CIMIP6: variants seen among roughly 807,000 people sequenced by gnomAD.
The protein encoded by CIMIP6 is ciliary microtubule inner protein 6, also known as uncharacterized protein C2orf73.
the CIMIP6 span, among the ~76,000 whole-genome samples, chr2:54,362,915 T>G: frequency 6.6e-6 from 1 of 152,206 alleles, no homozygotes; most frequent in African/African-American, 2.4e-5. Flanking sequence ...TCTACTAATT[T>G]GCTTTTCAGC....
At chr2:54,353,763 T>A in the CIMIP6 span, among the ~76,000 whole-genome samples, 1 of 152,194 alleles carries the variant, frequency 6.6e-6, no homozygotes, top group Middle Eastern at 3.2e-3. Context: ...TTACCACTGA[T>A]GTTCTGTCCC....
At chr2:54,371,974 G>A in the CIMIP6 span, among the ~76,000 whole-genome samples, 1 of 152,172 alleles carries the variant, frequency 6.6e-6, no homozygotes, top group Non-Finnish European at 1.5e-5. Flanking sequence ...AGATGTCCTA[G>A]GAAGGAATAA....
chr2:54,367,927 A>G, the CIMIP6 span, among the ~76,000 whole-genome samples: 2 of 152,190 alleles, frequency 1.3e-5, no homozygotes, highest in African/African-American at 4.8e-5. Context: ...AGAAAACATT[A>G]GTTTTAATCT....
At chr2:54,344,819 C>G in the CIMIP6 span, among the ~76,000 whole-genome samples, 2 of 152,016 alleles carry the variant, frequency 1.3e-5, no homozygotes, top group East Asian at 3.9e-4. Context: ...CATAAAACAA[C>G]AAAACAAAAG....
chr2:54,375,923 C>A, the CIMIP6 span, among the ~76,000 whole-genome samples: 1 of 150,858 alleles, frequency 6.6e-6, no homozygotes, highest in Non-Finnish European at 1.5e-5. Flanking sequence ...TGGAAGGTTA[C>A]TCACCATAAT....
At chr2:54,382,451 A>G in the CIMIP6 span, among the ~76,000 whole-genome samples, 1 of 152,218 alleles carries the variant, frequency 6.6e-6, no homozygotes, top group South Asian at 2.1e-4. Context: ...TGGTCCCAGC[A>G]TGCCTTTCCA....
the CIMIP6 span, among the ~76,000 whole-genome samples, chr2:54,365,571 C>T: frequency 3.9e-5 from 6 of 152,296 alleles, no homozygotes; most frequent in Non-Finnish European, 7.3e-5. Context: ...CTTGCTTCTG[C>T]TCTCACCATG....
chr2:54,343,606 C>T, the CIMIP6 span: 1 of 659,692 alleles, frequency 1.5e-6, no homozygotes. Context: ...CACATTAGTA[C>T]TGGGATATCC....
the CIMIP6 span, among the ~76,000 whole-genome samples, chr2:54,355,687 G>C: frequency 6.6e-6 from 1 of 151,636 alleles, no homozygotes; most frequent in Non-Finnish European, 1.5e-5. Context: ...TGATTTTCTA[G>C]TTCATGATTC....
the CIMIP6 span, among the ~76,000 whole-genome samples, chr2:54,359,868 A>G: frequency 6.6e-6 from 1 of 152,198 alleles, no homozygotes; most frequent in Non-Finnish European, 1.5e-5. Context: ...TGTTGTATCC[A>G]TAGCAATCTT....
chr2:54,381,365 T>A, the CIMIP6 span, among the ~76,000 whole-genome samples: 6 of 152,232 alleles, frequency 3.9e-5, no homozygotes, highest in African/African-American at 1.4e-4. Flanking sequence ...TTTCTTTACT[T>A]ACCATAAAAA....
At chr2:54,369,126 T>A in the CIMIP6 span, among the ~76,000 whole-genome samples, 6 of 152,010 alleles carry the variant, frequency 3.9e-5, no homozygotes, top group Non-Finnish European at 8.8e-5. Flanking sequence ...ACAGGACAAT[T>A]TTCCTCTCAT....
chr2:54,352,632 C>T, the CIMIP6 span, among the ~76,000 whole-genome samples: 1 of 152,140 alleles, frequency 6.6e-6, no homozygotes, highest in Non-Finnish European at 1.5e-5. Flanking sequence ...GTTGCACAGT[C>T]ATCCCTCAGT....
the CIMIP6 span, among the ~76,000 whole-genome samples, chr2:54,332,013 T>A: frequency 6.6e-6 from 1 of 152,176 alleles, no homozygotes; most frequent in Admixed American, 6.5e-5. Context: ...ATGGGCCCCA[T>A]AAATTTGTAT....
chr2:54,341,686 GTGA>G, the CIMIP6 span, among the ~76,000 whole-genome samples: 1 of 152,184 alleles, frequency 6.6e-6, no homozygotes, highest in Admixed American at 6.5e-5. Context: ...CAGTCTGCTG[GTGA>G]TATATCTTGG....
the CIMIP6 span, among the ~76,000 whole-genome samples, chr2:54,382,756 C>A: frequency 6.6e-6 from 1 of 152,298 alleles, no homozygotes; most frequent in Non-Finnish European, 1.5e-5. Flanking sequence ...GACCATGTGG[C>A]GGATTTATGC....
At chr2:54,334,422 G>A in the CIMIP6 span, among the ~76,000 whole-genome samples, 2 of 152,096 alleles carry the variant, frequency 1.3e-5, no homozygotes, top group Admixed American at 6.5e-5. Flanking sequence ...CTAGGTAAAC[G>A]GGAGAATAAA....
the CIMIP6 span, among the ~76,000 whole-genome samples, chr2:54,379,257 A>T: frequency 7.2e-3 from 1,103 of 152,334 alleles, 6 homozygotes; most frequent in African/African-American, 0.025. Flanking sequence ...GCTGCCCCTA[A>T]CAATGCCTCC....
chr2:54,359,321 C>T, the CIMIP6 span, among the ~76,000 whole-genome samples: 1 of 151,846 alleles, frequency 6.6e-6, no homozygotes, highest in Non-Finnish European at 1.5e-5. Flanking sequence ...CCCAGGAGTT[C>T]GAGGCTGCAG....
Sources: gnomAD v4.1 joint callset for allele counts (sites outside exome capture counted in the v4.1 genomes callset) on GRCh38, gnomAD v4.1.1 for gene constraint, MANE v1.5 for transcripts, NCBI Gene and HGNC (gene_info 2026-07-23, HGNC 2026-07-21) for gene names.